The following PARD3 variants were observed in gnomAD, a reference collection of about 807,000 sequenced individuals.
PARD3 encodes the protein partitioning defective 3 homolog.
Under a neutral mutation model 155.4 loss-of-function variants are expected in PARD3, and 75 were observed. The observed-to-expected ratio is 0.48, with a 90% CI of 0.40 to 0.58. The LOEUF (loss-of-function observed/expected upper bound fraction) is 0.58, where lower values mean the gene tolerates loss of function less well. PARD3 is among the 20% of genes least tolerant of loss of function. PARD3 has a pLI of 0.00. For missense variants in PARD3, 1,642 were observed against 1,721.7 expected (o/e 0.95, Z 0.82); for synonymous variants, 576 against 610.5 (o/e 0.94, Z 0.83).
chr10:34,196,113 C>T lies in PARD3; in HGVS notation c.3420-64530G>A, dbSNP rs539309736. ...CACTTAATTTGCTCTCATCATGACT[C>T]TTCCTATCCCTTTAATCAATTCTGT... On this transcript the variant is annotated intron_variant, in intron 22 of 24. Coordinates refer to ENST00000374788, the MANE Select transcript of PARD3 (RefSeq NM_001184785.2). Among the ~76,000 whole-genome samples, 6 of 152,340 alleles carry T rather than the reference C, an allele frequency of 3.9e-5. No individual in the cohort carries two copies. The South Asian group carries it at 1.2e-3, about 32-fold the overall frequency.
chr10:34,389,818 CTT>C (rs1842708733), intron 7 of PARD3, among the ~76,000 whole-genome samples: 1 of 152,074 alleles, frequency 6.6e-6, no homozygotes, highest in South Asian at 2.1e-4. Flanking sequence ...CAAGTTAAAA[CTT>C]TAAATCTTAA....
At chr10:34,325,208 C>T (rs1409375335) in intron 19 of PARD3, among the ~76,000 whole-genome samples, 1 of 152,084 alleles carries the variant, frequency 6.6e-6, no homozygotes, top group Non-Finnish European at 1.5e-5. Flanking sequence ...TGGGGTCTCG[C>T]CATGTTGGCC....
chr10:34,691,695 T>C (rs1004146640), intron 2 of PARD3, among the ~76,000 whole-genome samples: 1 of 152,126 alleles, frequency 6.6e-6, no homozygotes, highest in Non-Finnish European at 1.5e-5. Flanking sequence ...TAAACTACAG[T>C]ACAAGGCTAC....
intron 1 of PARD3, among the ~76,000 whole-genome samples, chr10:34,705,532 A>G (rs2094350649): frequency 6.6e-6 from 1 of 152,084 alleles, no homozygotes; most frequent in South Asian, 2.1e-4. Context: ...ACTGAAACAT[A>G]GGACCCATCT....
chr10:34,270,563 A>T (rs1564535937), intron 21 of PARD3, among the ~76,000 whole-genome samples: 3 of 152,160 alleles, frequency 2.0e-5, no homozygotes, highest in Non-Finnish European at 4.4e-5. Flanking sequence ...GCAAGAAATA[A>T]TTTTTTTAAC....
At chr10:34,128,576 TTG>T (rs766052399) in intron 23 of PARD3, among the ~76,000 whole-genome samples, 6 of 152,096 alleles carry the variant, frequency 3.9e-5, no homozygotes, top group Non-Finnish European at 7.4e-5. Context: ...GGATTTCTGA[TTG>T]TGTGTGTGAG....
intron 2 of PARD3, among the ~76,000 whole-genome samples, chr10:34,595,744 T>C (rs1049194924): frequency 6.6e-6 from 1 of 152,082 alleles, no homozygotes; most frequent in Non-Finnish European, 1.5e-5. Flanking sequence ...ATATAAGGAA[T>C]TCATTATTTA....
intron 3 of PARD3, among the ~76,000 whole-genome samples, chr10:34,514,696 A>T (rs779504956): frequency 7.9e-5 from 12 of 152,180 alleles, no homozygotes; most frequent in Non-Finnish European, 1.8e-4. Context: ...CAATAAAAAC[A>T]AGATAAAAAG....
intron 2 of PARD3, among the ~76,000 whole-genome samples, chr10:34,581,480 C>T (rs969534442): frequency 4.0e-5 from 6 of 151,782 alleles, no homozygotes; most frequent in Admixed American, 3.9e-4. Context: ...GTGATCTACC[C>T]ACCTCGGCCT....
At chr10:34,168,774 C>T (rs772049711) in intron 22 of PARD3, among the ~76,000 whole-genome samples, 55 of 152,200 alleles carry the variant, frequency 3.6e-4, no homozygotes, top group African/African-American at 7.2e-4. Context: ...CTTTTCAACA[C>T]CAAAATTCCC....
intron 2 of PARD3, among the ~76,000 whole-genome samples, chr10:34,570,874 A>G (rs149226976): frequency 3.9e-5 from 6 of 152,296 alleles, no homozygotes; most frequent in African/African-American, 1.4e-4. Flanking sequence ...AAATCCTAAA[A>G]GGGTCCTGAG....
At chr10:34,546,146 T>C (rs535629737) in intron 2 of PARD3, among the ~76,000 whole-genome samples, 1 of 152,312 alleles carries the variant, frequency 6.6e-6, no homozygotes, top group Admixed American at 6.5e-5. Flanking sequence ...TAGTAACTAT[T>C]AATATTTTTT....
intron 3 of PARD3, among the ~76,000 whole-genome samples, chr10:34,496,858 TTTG>T (rs1251292302): frequency 6.6e-6 from 1 of 152,192 alleles, no homozygotes; most frequent in Non-Finnish European, 1.5e-5. Context: ...CTTAAGTATT[TTTG>T]TTATTAAACA....
chr10:34,323,308 A>T (rs546210391), intron 19 of PARD3, among the ~76,000 whole-genome samples: 1 of 152,298 alleles, frequency 6.6e-6, no homozygotes, highest in Non-Finnish European at 1.5e-5. Flanking sequence ...TTGGCAACAG[A>T]AAAACTTAGC....
chr10:34,764,843 G>T (rs1241614114), intron 1 of PARD3, among the ~76,000 whole-genome samples: 1 of 152,114 alleles, frequency 6.6e-6, no homozygotes, highest in African/African-American at 2.4e-5. Flanking sequence ...TGGCTGTCTT[G>T]TGTTTCTCAT....
intron 3 of PARD3, among the ~76,000 whole-genome samples, chr10:34,493,999 T>G (rs1043752783): frequency 2.0e-5 from 3 of 152,132 alleles, no homozygotes; most frequent in Non-Finnish European, 4.4e-5. Flanking sequence ...ATTTACACCA[T>G]GGAAATGGGA....
chr10:34,417,597 A>G (rs556756389), intron 5 of PARD3, among the ~76,000 whole-genome samples: 24 of 152,294 alleles, frequency 1.6e-4, no homozygotes, highest in African/African-American at 5.5e-4. Flanking sequence ...AATAATTTCG[A>G]TTGTTTGGGT....
chr10:34,536,237 C>T lies in PARD3; in HGVS notation c.223-19078G>A, dbSNP rs148959545. The stretch of plus-strand genomic sequence containing the variant: ...AATTTTTAATATTCTAATAGTTTTA[C>T]TCACTCCCTCAAATATGCATATAAA... On this transcript the variant is annotated intron_variant, in intron 2 of 24. Coordinates refer to ENST00000374788, the MANE Select transcript of PARD3 (RefSeq NM_001184785.2). 2.9e-4 allele frequency among the ~76,000 whole-genome samples: 44 copies of T among 152,110 alleles called. 1 individual carries two copies. The highest frequency in any genetic ancestry group is 1.0e-3 in the African/African-American group (42 of 41,516).
chr10:34,614,549 C>T (rs1004177921), intron 2 of PARD3, among the ~76,000 whole-genome samples: 7 of 152,176 alleles, frequency 4.6e-5, no homozygotes, highest in Admixed American at 3.3e-4. Context: ...ATAAACATAA[C>T]TAAACATAGA....
Sources: gnomAD v4.1 joint callset for allele counts (sites outside exome capture counted in the v4.1 genomes callset) on GRCh38, gnomAD v4.1.1 for gene constraint, MANE v1.5 for transcripts, NCBI Gene and HGNC (gene_info 2026-07-23, HGNC 2026-07-21) for gene names.